SEPTIN9: variants seen among roughly 807,000 people sequenced by gnomAD.
SEPTIN9 encodes septin-9.
A neutral mutation model predicts 56.6 loss-of-function variants in SEPTIN9; 13 were observed. That is an observed-to-expected ratio of 0.23 (90% CI 0.15 to 0.37). SEPTIN9 has a LOEUF of 0.37. SEPTIN9 is among the 10% of genes least tolerant of loss of function. The pLI, the probability that SEPTIN9 is intolerant of heterozygous loss-of-function variation, is 1.00. For synonymous variants in SEPTIN9, 332 were observed against 334.1 expected (o/e 0.99, Z 0.07); for missense variants, 650 against 823.1 (o/e 0.79, Z 2.57).
At chr17:77,392,877 C>T (rs1019912492) in intron 2 of SEPTIN9, among the ~76,000 whole-genome samples, 3 of 152,262 alleles carry the variant, frequency 2.0e-5, no homozygotes, top group Admixed American at 6.5e-5. Context: ...CCTGGCTTCC[C>T]TTTGCAGGCT....
At chr17:77,311,924 C>A (rs866585588) in intron 2 of SEPTIN9, among the ~76,000 whole-genome samples, 3 of 152,146 alleles carry the variant, frequency 2.0e-5, no homozygotes, top group Non-Finnish European at 4.4e-5. Flanking sequence ...CATAGCTACC[C>A]ACTCTTCCTC....
intron 1 of SEPTIN9, among the ~76,000 whole-genome samples, chr17:77,295,108 C>T (rs948035976): frequency 2.6e-5 from 4 of 152,130 alleles, no homozygotes; most frequent in Admixed American, 2.0e-4. Context: ...GAAAATGTGA[C>T]GGGCAGGAAC....
At position 77,339,355 on chromosome 17, in the gene SEPTIN9, T is replaced by G. The variant is rs140821640; in HGVS notation, c.76+32158T>G. 9.0e-3 allele frequency among the ~76,000 whole-genome samples: 1,371 copies of G among 152,308 alleles called. 19 individuals carry two copies. The highest frequency in any genetic ancestry group is 0.032 in the African/African-American group (1,310 of 41,548). On this transcript the variant is annotated intron_variant, in intron 2 of 11. Transcript: ENST00000427177. The stretch of plus-strand genomic sequence containing the variant: ...AAGACTTGAAAATCAAATTTATCCC[T>G]TCTCCATGGGCTGCAGAATGGGTGT...
In SEPTIN9 at chr17:77,434,980, C is replaced by T. The variant is rs1376049218; in HGVS notation, c.721+32277C>T. Among the ~76,000 whole-genome samples, 1 of 152,116 alleles carries T rather than the reference C, an allele frequency of 6.6e-6. No individual in the cohort carries two copies. Among genetic ancestry groups the T allele is most frequent in the Non-Finnish European group, 1.5e-5 (1 of 68,020 alleles). On this transcript the variant is annotated intron_variant, in intron 3 of 11. Coordinates refer to ENST00000427177, the MANE Select transcript of SEPTIN9 (RefSeq NM_001113491.2). This position sits in a 1 kb window ranked among gnomAD's most constrained non-coding sequence, Gnocchi z 5.0. ...CGGTGCTGGACGGGGCCCTGGCAACCGTGGCAGGAGTGGTGATGTCCGATG... is the reference window on the plus strand; with the variant it reads ...CGGTGCTGGACGGGGCCCTGGCAACTGTGGCAGGAGTGGTGATGTCCGATG...
At chr17:77,431,068 C>T (rs374296589) in intron 3 of SEPTIN9, among the ~76,000 whole-genome samples, 22 of 151,198 alleles carry the variant, frequency 1.5e-4, no homozygotes, top group African/African-American at 4.6e-4. Flanking sequence ...CTTTGCTGGG[C>T]GTGGTGGCTC....
Position 77,499,993 on chromosome 17 carries a change from T to C in SEPTIN9, c.*1335T>C, listed in dbSNP as rs770556212. The C allele has an allele frequency of 1.3e-5, 3 of 238,340 alleles. No homozygotes were observed. The highest frequency in any genetic ancestry group is 1.6e-4 in the South Asian group (1 of 6,080). The allele number at this position is 238,340 out of a possible 1,614,324, so 14.8% of individuals were successfully genotyped here. A position where few individuals can be genotyped will look rare whatever the true frequency, so the allele number is the denominator to read the frequency against. On this transcript the variant is annotated 3_prime_UTR_variant, in exon 12 of 12. Transcript: ENST00000427177. ...CCCACGAGGGGACCCATGGGGGCTGTCTTTGCAGGGCACAGATGACCAAAG... is the reference window on the plus strand; with the variant it reads ...CCCACGAGGGGACCCATGGGGGCTGCCTTTGCAGGGCACAGATGACCAAAG...
intron 2 of SEPTIN9, among the ~76,000 whole-genome samples, chr17:77,381,689 A>G (rs999125265): frequency 1.3e-5 from 2 of 152,194 alleles, no homozygotes; most frequent in Non-Finnish European, 2.9e-5. Flanking sequence ...TTTGGTTTAA[A>G]ATGAAGGGCT....
At chr17:77,452,741 CA>C (rs1458196556) in intron 3 of SEPTIN9, among the ~76,000 whole-genome samples, 1 of 151,896 alleles carries the variant, frequency 6.6e-6, no homozygotes, top group Admixed American at 6.6e-5. Context: ...CTCCTCCATT[CA>C]TTGCCACCTT....
intron 2 of SEPTIN9, among the ~76,000 whole-genome samples, chr17:77,396,231 G>C (rs1054425029): frequency 6.6e-6 from 1 of 152,136 alleles, no homozygotes; most frequent in African/African-American, 2.4e-5. Context: ...CACTGTGCAC[G>C]GTCCACAGTT....
intron 3 of SEPTIN9, among the ~76,000 whole-genome samples, chr17:77,461,097 G>A (rs1461084873): frequency 6.6e-6 from 1 of 152,086 alleles, no homozygotes; most frequent in East Asian, 1.9e-4. Flanking sequence ...CTGAAGTCAG[G>A]AGTTCGAGAC....
intron 3 of SEPTIN9, among the ~76,000 whole-genome samples, chr17:77,452,982 C>T (rs1447860142): frequency 1.3e-5 from 2 of 151,386 alleles, no homozygotes; most frequent in Non-Finnish European, 2.9e-5. Flanking sequence ...TTTTAATGCT[C>T]GTCTCTGGAG....
rs935603067 is a variant in SEPTIN9, at chr17:77,400,214, T to C, written c.77-1845T>C. On this transcript the variant is annotated intron_variant, in intron 2 of 11. Coordinates refer to ENST00000427177, the MANE Select transcript of SEPTIN9 (RefSeq NM_001113491.2). This position sits in a 1 kb window ranked among gnomAD's most constrained non-coding sequence, Gnocchi z 4.1. ...TGCTCAGTGTTTTAAAAAGGGCTTGTTTTGCTTTGTGCCAGCATTTAAAGA... is the reference window on the plus strand; with the variant it reads ...TGCTCAGTGTTTTAAAAAGGGCTTGCTTTGCTTTGTGCCAGCATTTAAAGA... Among the ~76,000 whole-genome samples, 10 of 152,292 alleles carry C rather than the reference T, an allele frequency of 6.6e-5. No individual in the cohort carries two copies. The highest frequency in any genetic ancestry group is 1.9e-4 in the African/African-American group (8 of 41,570).
chr17:77,388,810 C>CAT (rs752833037), intron 2 of SEPTIN9, among the ~76,000 whole-genome samples: 4 of 78,052 alleles, frequency 5.1e-5, no homozygotes, highest in African/African-American at 2.4e-4. Context: ...GTGTTAGGCG[C>CAT]TTTTTTTTTT....
At chr17:77,493,101 C>T (rs1719509876) in intron 10 of SEPTIN9, 25 bp downstream of exon 10, 26 of 1,510,006 alleles carry the variant, frequency 1.7e-5, no homozygotes, top group Non-Finnish European at 2.3e-5. Context: ...CGCCGGGGCT[C>T]CAGACAGATG....
chr17:77,336,704 C>G (rs959110917), intron 2 of SEPTIN9, among the ~76,000 whole-genome samples: 1 of 151,770 alleles, frequency 6.6e-6, no homozygotes, highest in African/African-American at 2.4e-5. Context: ...GATCTTGATG[C>G]CTTGTTTTTT....
rs10537405 is a variant in SEPTIN9 at position 77,351,228 on chromosome 17, AACACACACACACAC to A, written c.76+44060_76+44073del. On this transcript the variant is annotated intron_variant, in intron 2 of 11. Transcript: ENST00000427177. The stretch of plus-strand genomic sequence containing the variant: ...CGCAGGCACATGTGCGCGTGCACAC[AACACACACACACAC>A]ACACACACACACACACACACACACA... Among the ~76,000 whole-genome samples, 114 of 144,756 alleles carry A rather than the reference AACACACACACACAC, an allele frequency of 7.9e-4. 1 individual carries two copies. Among genetic ancestry groups the A allele is most frequent in the Middle Eastern group, 7.0e-3 (2 of 284 alleles). 95.0% of individuals were successfully genotyped at this position (144,756 alleles called of 152,430 possible).
At chr17:77,384,947 T>C (rs1022248490) in intron 2 of SEPTIN9, among the ~76,000 whole-genome samples, 4 of 152,238 alleles carry the variant, frequency 2.6e-5, no homozygotes, top group African/African-American at 9.6e-5. Context: ...ACCTGGGTTG[T>C]GGGTTTATAG....
In SEPTIN9 at chr17:77,487,697, T is replaced by C; in HGVS notation, c.1042+145T>C. 2 of 543,312 alleles carry C rather than the reference T, an allele frequency of 3.7e-6. 1 individual carries two copies. The highest frequency in any genetic ancestry group is 5.3e-6 in the Non-Finnish European group (2 of 377,044). The allele number at this position is 543,312 out of a possible 1,614,324, so 33.7% of individuals were successfully genotyped here. A position where few individuals can be genotyped will look rare whatever the true frequency, so the allele number is the denominator to read the frequency against. ...TCCTCTGCCTTCCTGGAGCACAGAG[T>C]GGGGGGTCAAGACCATCACACACAG... On this transcript the variant is annotated intron_variant, in intron 5 of 11. Transcript: ENST00000427177. The surrounding 1 kb of genome is among the most constrained non-coding windows in gnomAD (Gnocchi z 4.3).
intron 3 of SEPTIN9, among the ~76,000 whole-genome samples, chr17:77,410,081 G>T (rs1489990401): frequency 3.3e-5 from 5 of 152,178 alleles, no homozygotes; most frequent in Non-Finnish European, 7.4e-5. Flanking sequence ...GGGGGCTCCT[G>T]GGGTATGGGC....
Sources: gnomAD v4.1 joint callset for allele counts (sites outside exome capture counted in the v4.1 genomes callset) on GRCh38, gnomAD v4.1.1 for gene constraint, Gnocchi (gnomAD v3.1) non-coding constraint, MANE v1.5 for transcripts, NCBI Gene and HGNC (gene_info 2026-07-23, HGNC 2026-07-21) for gene names.